The following RFTN1 variants were observed in gnomAD, a reference collection of about 807,000 sequenced individuals.
The protein encoded by RFTN1 is raftlin, lipid raft linker 1, also known as raftlin.
RFTN1 carries 26 observed loss-of-function variants against 46.5 expected under a neutral mutation model. The observed-to-expected ratio is 0.56, with a 90% confidence interval of 0.41 to 0.78. The LOEUF (loss-of-function observed/expected upper bound fraction) is 0.78, where lower values mean the gene tolerates loss of function less well. RFTN1 is among the 30% of genes least tolerant of loss of function. The pLI is 0.00. For missense variants in RFTN1, 693 were observed against 718.7 expected, an observed-to-expected ratio of 0.96 and a Z score of 0.41; for synonymous variants, 261 against 284.2, an observed-to-expected ratio of 0.92 and a Z score of 0.82.
intron 4 of RFTN1, among the ~76,000 whole-genome samples, chr3:16,392,091 C>T (rs1342643445): frequency 2.0e-4 from 30 of 151,964 alleles, no homozygotes; most frequent in Admixed American, 1.9e-3. Flanking sequence ...TGCTTTCTCC[C>T]TCCCTGCAGT....
rs548700515 is a variant in RFTN1 at position 16,450,064 on chromosome 3, T to C, written c.146-16027A>G. 6.6e-6 allele frequency among the ~76,000 whole-genome samples: 1 copy of C among 152,256 alleles called. No homozygotes were observed. Among genetic ancestry groups the C allele is most frequent in the Non-Finnish European group, 1.5e-5 (1 of 67,996 alleles). On this transcript the variant is annotated intron_variant, in intron 2 of 9. Transcript: ENST00000334133. This position sits in a 1 kb window ranked among gnomAD's most constrained non-coding sequence, Gnocchi z 4.6. ...AAAGGCAGAAGACATGTCACCCCCA[T>C]CCTGACCACTCTCCATGCCTGTCTT...
Position 16,446,143 on chromosome 3 carries a change from T to C in RFTN1, c.146-12106A>G, listed in dbSNP as rs2075725244. Among the ~76,000 whole-genome samples, 1 of 152,120 alleles carries C rather than the reference T, an allele frequency of 6.6e-6. No homozygotes were observed. Among genetic ancestry groups the C allele is most frequent in the African/African-American group, 2.4e-5 (1 of 41,416 alleles). On this transcript the variant is annotated intron_variant, in intron 2 of 9. Transcript: ENST00000334133. This position sits in a 1 kb window ranked among gnomAD's most constrained non-coding sequence, Gnocchi z 4.5. ...AGAAAGTCCAATGCAAACTGCTACC[T>C]GCAGTCACTCTGGTGGATGGTGAAC... is the stretch of plus-strand genomic sequence containing the variant.
At chr3:16,464,935 A>G (rs978190712) in intron 2 of RFTN1, among the ~76,000 whole-genome samples, 1 of 152,214 alleles carries the variant, frequency 6.6e-6, no homozygotes, top group Non-Finnish European at 1.5e-5. Context: ...AGAAGATTGC[A>G]TGTGCGGTTC....
In RFTN1 at chr3:16,316,713, C is replaced by G; in HGVS notation, c.*115G>C. On this transcript the variant is annotated 3_prime_UTR_variant, in exon 10 of 10. Coordinates refer to ENST00000334133, the MANE Select transcript of RFTN1 (RefSeq NM_015150.2). The surrounding 1 kb of genome is among the most constrained non-coding windows in gnomAD (Gnocchi z 4.5). ...GGTGAGCTCACAAGGAGAGGTCAAG[C>G]CAAGCCAAAGGGTAGGTAACACACA... 2.3e-6 allele frequency: 3 copies of G among 1,322,442 alleles called. No homozygotes were observed. The highest frequency in any genetic ancestry group is 2.5e-5 in the South Asian group (2 of 80,408). 81.9% of individuals were successfully genotyped at this position (1,322,442 alleles called of 1,614,324 possible). A position where few individuals can be genotyped will look rare whatever the true frequency, so the allele number is the denominator to read the frequency against.
intron 7 of RFTN1, 112 bp downstream of exon 7, chr3:16,357,820 C>A: frequency 2.8e-6 from 2 of 703,974 alleles, no homozygotes; most frequent in Admixed American, 2.3e-5. Context: ...CAGGTCAACT[C>A]CCTCTCAGAA....
Position 16,365,084 on chromosome 3 carries a change from A to T in RFTN1, c.1030+4992T>A, listed in dbSNP as rs561532849. ...CACATGAGAAAATGCATTTAATGGC[A>T]TACGTGCAATTTAGCCCCTACATTA... On this transcript the variant is annotated intron_variant, in intron 6 of 9. Coordinates refer to ENST00000334133, the MANE Select transcript of RFTN1 (RefSeq NM_015150.2). Among the ~76,000 whole-genome samples, 4 of 152,344 alleles carry T rather than the reference A, an allele frequency of 2.6e-5. No individual in the cohort carries two copies. In the East Asian group the frequency reaches 7.7e-4, roughly 29 times the overall value.
Position 16,329,030 on chromosome 3 carries a change from T to C in RFTN1, c.1147-2154A>G, listed in dbSNP as rs2070020370. Among the ~76,000 whole-genome samples the C allele has an allele frequency of 6.6e-6, 1 of 152,218 alleles. No homozygotes were observed. The highest frequency in any genetic ancestry group is 6.5e-5 in the Admixed American group (1 of 15,284). On this transcript the variant is annotated intron_variant, in intron 7 of 9. Coordinates refer to ENST00000334133, the MANE Select transcript of RFTN1 (RefSeq NM_015150.2). The surrounding 1 kb of genome is among the most constrained non-coding windows in gnomAD (Gnocchi z 4.5). ...CATGTGTTGAAAACTTAATCCCCAA[T>C]GCAATGACATTGAATGGTGAGGCCT...
chr3:16,385,182 G>A lies in RFTN1; in HGVS notation c.442-7080C>T, dbSNP rs2074126122. On this transcript the variant is annotated intron_variant, in intron 4 of 9. Transcript: ENST00000334133. The surrounding 1 kb of genome is among the most constrained non-coding windows in gnomAD (Gnocchi z 5.0). ...GCCATTCTGGGTTGCAGTTACACAT[G>A]AGTCTTTACAGTGAATATTTTATCA... is the stretch of plus-strand genomic sequence containing the variant. Among the ~76,000 whole-genome samples, 1 of 152,160 alleles carries A rather than the reference G, an allele frequency of 6.6e-6. No individual in the cohort carries two copies. Among genetic ancestry groups the A allele is most frequent in the African/African-American group, 2.4e-5 (1 of 41,424 alleles).
chr3:16,329,360 AGG>A lies in RFTN1; in HGVS notation c.1147-2486_1147-2485del, dbSNP rs2070064264. On this transcript the variant is annotated intron_variant, in intron 7 of 9. Coordinates refer to ENST00000334133, the MANE Select transcript of RFTN1 (RefSeq NM_015150.2). The surrounding 1 kb of genome is among the most constrained non-coding windows in gnomAD (Gnocchi z 4.5). ...GAAGTGGAGAAAGGGAAAGGGAAAG[AGG>A]AAACTTAATAAAGGAAGGCGGAAGG... is the stretch of plus-strand genomic sequence containing the variant. Among the ~76,000 whole-genome samples, 1 of 151,832 alleles carries A rather than the reference AGG, an allele frequency of 6.6e-6. No individual in the cohort carries two copies. The highest frequency in any genetic ancestry group is 2.4e-5 in the African/African-American group (1 of 41,302).
rs536553211 is a variant in RFTN1, at chr3:16,500,176, A to C, written c.-8-6299T>G. Among the ~76,000 whole-genome samples, 65 of 152,308 alleles carry C rather than the reference A, an allele frequency of 4.3e-4. 1 individual carries two copies. The highest frequency in any genetic ancestry group is 7.8e-4 in the Non-Finnish European group (53 of 68,032). ...TCTAGTGAGACTCCCCCAGTACTTCATCTATGCTCCATCCTGCTCCCACAG... is the reference window on the plus strand; with the variant it reads ...TCTAGTGAGACTCCCCCAGTACTTCCTCTATGCTCCATCCTGCTCCCACAG... On this transcript the variant is annotated intron_variant, in intron 1 of 9. Transcript: ENST00000334133. The surrounding 1 kb of genome is among the most constrained non-coding windows in gnomAD (Gnocchi z 5.9).
intron 3 of RFTN1, among the ~76,000 whole-genome samples, chr3:16,414,896 G>C (rs1348732418): frequency 6.6e-6 from 1 of 152,220 alleles, no homozygotes; most frequent in Non-Finnish European, 1.5e-5. Flanking sequence ...GGAAGACACA[G>C]TTGGAGAGCC....
chr3:16,461,329 T>C (rs952532160), intron 2 of RFTN1, among the ~76,000 whole-genome samples: 1 of 152,236 alleles, frequency 6.6e-6, no homozygotes, highest in African/African-American at 2.4e-5. Context: ...GAAGCATATA[T>C]ATATTTCTTT....
chr3:16,501,219 G>A (rs2076705494), intron 1 of RFTN1, among the ~76,000 whole-genome samples: 1 of 152,180 alleles, frequency 6.6e-6, no homozygotes. Context: ...CAGCAATGCG[G>A]CACAATGTCC....
intron 2 of RFTN1, chr3:16,482,979 C>T: frequency 1.6e-6 from 1 of 641,530 alleles, no homozygotes; most frequent in Non-Finnish European, 2.7e-6. Context: ...TTAGAGCCTC[C>T]CTTCTAGCCA....
rs1342669407 is a variant in RFTN1 at position 16,457,037 on chromosome 3, A to G, written c.146-23000T>C. 6.6e-6 allele frequency among the ~76,000 whole-genome samples: 1 copy of G among 152,250 alleles called. No individual in the cohort carries two copies. The highest frequency in any genetic ancestry group is 2.4e-5 in the African/African-American group (1 of 41,472). On this transcript the variant is annotated intron_variant, in intron 2 of 9. Coordinates refer to ENST00000334133, the MANE Select transcript of RFTN1 (RefSeq NM_015150.2). The surrounding 1 kb of genome is among the most constrained non-coding windows in gnomAD (Gnocchi z 4.2). The stretch of plus-strand genomic sequence containing the variant: ...TTAAATGACAGATGCCATTGCTATA[A>G]GAACTTTAATAAGTATATGTGAAAC...
Position 16,457,234 on chromosome 3 carries a change from G to A in RFTN1, c.146-23197C>T, listed in dbSNP as rs965366631. Reference sequence around the variant, plus strand: ...TCCATTCCCTTCAGTAAACATTGCAGGGAGGCAAGTCTTCTTAAGAAGCAG... The same window carrying A: ...TCCATTCCCTTCAGTAAACATTGCAAGGAGGCAAGTCTTCTTAAGAAGCAG... On this transcript the variant is annotated intron_variant, in intron 2 of 9. Coordinates refer to ENST00000334133, the MANE Select transcript of RFTN1 (RefSeq NM_015150.2). This position sits in a 1 kb window ranked among gnomAD's most constrained non-coding sequence, Gnocchi z 4.2. 1.3e-5 allele frequency among the ~76,000 whole-genome samples: 2 copies of A among 152,212 alleles called. No individual in the cohort carries two copies. Among genetic ancestry groups the A allele is most frequent in the African/African-American group, 4.8e-5 (2 of 41,450 alleles).
At chr3:16,366,610 CT>C (rs1400583550) in intron 6 of RFTN1, among the ~76,000 whole-genome samples, 3 of 151,170 alleles carry the variant, frequency 2.0e-5, no homozygotes, top group African/African-American at 7.3e-5. Flanking sequence ...GTCCTTTTGT[CT>C]GCCTACCCCC....
At chr3:16,441,155 GC>G (rs1159271556) in intron 2 of RFTN1, among the ~76,000 whole-genome samples, 1 of 151,662 alleles carries the variant, frequency 6.6e-6, no homozygotes, top group Non-Finnish European at 1.5e-5. Flanking sequence ...CCAATAACAG[GC>G]TTTTATAAAA....
rs2070906127 is a variant in RFTN1, at chr3:16,336,893, G to A, written c.1147-10017C>T. ...TTGTTATTATTACATGAAACATATT[G>A]TTTGGAAGAATGGTGTCTATTATGA... On this transcript the variant is annotated intron_variant, in intron 7 of 9. Coordinates refer to ENST00000334133, the MANE Select transcript of RFTN1 (RefSeq NM_015150.2). This position sits in a 1 kb window ranked among gnomAD's most constrained non-coding sequence, Gnocchi z 6.0. 6.6e-6 allele frequency among the ~76,000 whole-genome samples: 1 copy of A among 152,116 alleles called. No homozygotes were observed. The highest frequency in any genetic ancestry group is 1.5e-5 in the Non-Finnish European group (1 of 68,022).
Sources: allele counts gnomAD v4.1 joint callset (sites outside exome capture counted in the v4.1 genomes callset), GRCh38; gene constraint gnomAD v4.1.1; non-coding constraint Gnocchi (gnomAD v3.1); transcripts MANE v1.5; gene names NCBI Gene and HGNC (gene_info 2026-07-23, HGNC 2026-07-21).